The following TGFB3 variants were observed in gnomAD, a reference collection of about 807,000 sequenced individuals.
The protein encoded by TGFB3 is transforming growth factor beta-3 proprotein.
Under a neutral mutation model 40.1 loss-of-function variants are expected in TGFB3, and 5 were observed. The observed-to-expected ratio is 0.12, with a 90% CI of 0.07 to 0.26. The LOEUF is 0.26. Among genes scored for constraint, TGFB3 ranks in the 10% least tolerant of loss-of-function variants. The probability of loss-of-function intolerance (pLI) is 1.00; values close to 1 mark genes in which losing one functional copy is unlikely to be tolerated. For missense variants in TGFB3, 373 were observed against 530.1 expected (o/e 0.70, Z 2.91); for synonymous variants, 184 against 205.6 (o/e 0.89, Z 0.90).
At chr14:75,961,256 A>G (rs2035153649) in intron 5 of TGFB3, among the ~76,000 whole-genome samples, 180 bp from the exon 6 acceptor site, 1 of 152,240 alleles carries the variant, frequency 6.6e-6, no homozygotes, top group Non-Finnish European at 1.5e-5. Context: ...CATGTGTTAA[A>G]GACCAGGATC....
At position 75,980,830 on chromosome 14, in the gene TGFB3, G is replaced by A. The variant is rs1384673775; in HGVS notation, c.64C>T (p.Leu22Phe). The change falls in exon 1 of 7, where the codon CTC becomes TTC. Residue 22 changes from leucine to phenylalanine, a missense_variant. Leu to Phe is a conservative substitution (Grantham distance 22). Transcript: ENST00000238682. The surrounding 1 kb of genome is among the most constrained non-coding windows in gnomAD (Gnocchi z 4.3). ...LALLNFATVS[L>F]SLSTCTTLDF... ...AAGGTGGTGCAAGTGGACAGAGAGA[G>A]GCTGACCGTGGCAAAGTTCAGCAGG... 1.2e-6 allele frequency: 2 copies of A among 1,614,166 alleles called. No homozygotes were observed. The highest frequency in any genetic ancestry group is 4.5e-5 in the East Asian group (2 of 44,884).
At chr14:75,965,762 A>T in intron 3 of TGFB3, 67 bp from the exon 4 acceptor site, 6 of 1,321,118 alleles carry the variant, frequency 4.5e-6, no homozygotes, top group Non-Finnish European at 6.5e-6. Context: ...CCCACCACCC[A>T]TGCAAGGGTG....
chr14:75,971,770 C>G lies in TGFB3; in HGVS notation c.353-52G>C, dbSNP rs1398711168. The stretch of plus-strand genomic sequence containing the variant: ...ACAGCATGAGCGAGACATGCAGGAA[C>G]AGTGTGCTGCCAACGGACAGGCACC... On this transcript the variant is annotated intron_variant, in intron 1 of 6. Coordinates refer to ENST00000238682, the MANE Select transcript of TGFB3 (RefSeq NM_003239.5). The surrounding 1 kb of genome is among the most constrained non-coding windows in gnomAD (Gnocchi z 4.5). The G allele has an allele frequency of 1.2e-6, 2 of 1,602,044 alleles. No individual in the cohort carries two copies. The highest frequency in any genetic ancestry group is 8.5e-7 in the Non-Finnish European group (1 of 1,171,602).
In TGFB3 at chr14:75,963,455, C is replaced by G. The variant is rs796051886; in HGVS notation, c.787G>C (p.Asp263His). The G allele has an allele frequency of 6.2e-7, 1 of 1,614,182 alleles. No homozygotes were observed. The highest frequency in any genetic ancestry group is 8.5e-7 in the Non-Finnish European group (1 of 1,180,030). The change falls in exon 5 of 7, where the codon GAT becomes CAT. Residue 263 changes from aspartate (D) to histidine (H), a missense_variant. Physicochemically the swap from Asp to His is moderately conservative, Grantham distance 81 (BLOSUM62 -1). Coordinates refer to ENST00000238682, the MANE Select transcript of TGFB3 (RefSeq NM_003239.5). ...TTCTGCTTCTTGAGGCGCCCCAGATCTCCACGGCCATGGTCATCCTCATTG... is the reference window on the plus strand; with the variant it reads ...TTCTGCTTCTTGAGGCGCCCCAGATGTCCACGGCCATGGTCATCCTCATTG... ...VDNEDDHGRGDLGRLKKQKDH... is the reference protein window; with the variant it reads ...VDNEDDHGRGHLGRLKKQKDH...
intron 1 of TGFB3, among the ~76,000 whole-genome samples, chr14:75,972,386 A>G (rs540058558): frequency 6.6e-6 from 1 of 152,284 alleles, no homozygotes; most frequent in Admixed American, 6.5e-5. Context: ...AAGGGGGGGT[A>G]TTAATACATG....
At chr14:75,959,387 T>C in intron 6 of TGFB3, 42 bp from the exon 7 acceptor site, 1 of 1,612,354 alleles carries the variant, frequency 6.2e-7, no homozygotes. Flanking sequence ...AGGCCAAGTC[T>C]CAGGCCTGGA....
At chr14:75,973,875 C>T (rs1487642118) in intron 1 of TGFB3, among the ~76,000 whole-genome samples, 1 of 152,126 alleles carries the variant, frequency 6.6e-6, no homozygotes, top group Admixed American at 6.5e-5. Context: ...GGCACGGTGG[C>T]TCACGCCTGT....
chr14:75,980,652 T>C lies in TGFB3; in HGVS notation c.242A>G (p.Glu81Gly). The C allele has an allele frequency of 6.2e-7, 1 of 1,614,228 alleles. No homozygotes were observed. The highest frequency in any genetic ancestry group is 8.5e-7 in the Non-Finnish European group (1 of 1,180,048). ...TTCCTCCCTCTCCCCATGCATCTCC[T>C]CCAGCAGCTCCCGGGTGCTGTTGTA... is the stretch of plus-strand genomic sequence containing the variant. ...ALYNSTRELL[E>G]EMHGEREEGC... The change falls in exon 1 of 7, where the codon GAG becomes GGG. Residue 81 changes from glutamate to glycine, a missense_variant. Glu to Gly is a moderately conservative substitution (Grantham distance 98). Transcript: ENST00000238682. The surrounding 1 kb of genome is among the most constrained non-coding windows in gnomAD (Gnocchi z 4.3).
At chr14:75,960,202 A>C (rs1292898494) in intron 6 of TGFB3, 1 of 152,280 alleles carries the variant, frequency 6.6e-6, no homozygotes, top group African/African-American at 2.4e-5. Flanking sequence ...TTGGCCTCCC[A>C]GAGTGCTGGG....
intron 6 of TGFB3, among the ~76,000 whole-genome samples, 191 bp from the exon 7 acceptor site, chr14:75,959,536 A>G (rs1307514991): frequency 6.6e-6 from 1 of 152,164 alleles, no homozygotes; most frequent in Non-Finnish European, 1.5e-5. Flanking sequence ...TGGGAGGCAG[A>G]GGCAGGCAGA....
intron 4 of TGFB3, among the ~76,000 whole-genome samples, chr14:75,964,165 T>C (rs3917196): frequency 0.14 from 20,779 of 152,164 alleles, 2,275 homozygotes; most frequent in African/African-American, 0.3. Context: ...TGTGAGCCAC[T>C]GCACCCAGCC....
chr14:75,959,766 C>T (rs1243246266), intron 6 of TGFB3, among the ~76,000 whole-genome samples: 2 of 147,474 alleles, frequency 1.4e-5, no homozygotes, highest in Non-Finnish European at 3.0e-5. Flanking sequence ...GTGAGTCTGT[C>T]TCAAAAAAAA....
At chr14:75,969,234 T>C (rs1302270405) in intron 3 of TGFB3, among the ~76,000 whole-genome samples, 1 of 152,192 alleles carries the variant, frequency 6.6e-6, no homozygotes, top group Non-Finnish European at 1.5e-5. Context: ...AGGATCCACC[T>C]GCCTCAGGGA....
rs1016234043 is a variant in TGFB3 at position 75,971,816 on chromosome 14, G to A, written c.353-98C>T. 8 of 1,395,302 alleles carry A rather than the reference G, an allele frequency of 5.7e-6. No homozygotes were observed. Among genetic ancestry groups the A allele is most frequent in the Non-Finnish European group, 8.0e-6 (8 of 1,001,588 alleles). 86.4% of individuals were successfully genotyped at this position (1,395,302 alleles called of 1,614,324 possible). A position where few individuals can be genotyped will look rare whatever the true frequency, so the allele number is the denominator to read the frequency against. ...GCACCAAGTGGCCACCGTCCCGCCT[G>A]CCACCTCCCTAGAGGCTTGAGGCCT... On this transcript the variant is annotated intron_variant, in intron 1 of 6. Coordinates refer to ENST00000238682, the MANE Select transcript of TGFB3 (RefSeq NM_003239.5). The surrounding 1 kb of genome is among the most constrained non-coding windows in gnomAD (Gnocchi z 4.5).
Position 75,963,409 on chromosome 14 carries a change from A to G in TGFB3, c.833T>C (p.Leu278Pro). The G allele has an allele frequency of 6.2e-7, 1 of 1,614,198 alleles. No individual in the cohort carries two copies. Among genetic ancestry groups the G allele is most frequent in the Non-Finnish European group, 8.5e-7 (1 of 1,180,024 alleles). Residue 278 changes from leucine (L) to proline (P), a missense_variant, in exon 5 of 7, where the codon CTA (leucine) becomes CCA (proline). By Grantham distance (98) the Leu-to-Pro change is moderately conservative. Coordinates refer to ENST00000238682, the MANE Select transcript of TGFB3 (RefSeq NM_003239.5). ...GTGTGGGGGAATCATCATGAGGATT[A>G]GATGAGGGTTGTGGTGATCCTTCTG... ...KKQKDHHNPHLILMMIPPHRL... is the reference protein window; with the variant it reads ...KKQKDHHNPHPILMMIPPHRL...
chr14:75,970,570 AT>A, intron 3 of TGFB3: 1 of 115,720 alleles, frequency 8.6e-6, no homozygotes, highest in Admixed American at 8.0e-5. Context: ...AGAAATAATA[AT>A]AATAATAATA....
chr14:75,967,423 T>C (rs2035233122), intron 3 of TGFB3, among the ~76,000 whole-genome samples: 1 of 152,150 alleles, frequency 6.6e-6, no homozygotes, highest in Admixed American at 6.5e-5. Context: ...GCCCTCTCCC[T>C]GGGTTAAGGC....
chr14:75,973,355 G>A (rs1329259000), intron 1 of TGFB3, among the ~76,000 whole-genome samples: 1 of 152,218 alleles, frequency 6.6e-6, no homozygotes, highest in Non-Finnish European at 1.5e-5. Context: ...TGGGCCTGAC[G>A]CTGGTTCTTA....
At chr14:75,969,789 G>A (rs536984338) in intron 3 of TGFB3, among the ~76,000 whole-genome samples, 33 of 152,190 alleles carry the variant, frequency 2.2e-4, no homozygotes, top group African/African-American at 6.5e-4. Context: ...CCTGGATGTC[G>A]AAAAAATTTA....
Sources: gnomAD v4.1 joint callset for allele counts (sites outside exome capture counted in the v4.1 genomes callset) on GRCh38, gnomAD v4.1.1 for gene constraint, Gnocchi (gnomAD v3.1) non-coding constraint, MANE v1.5 for transcripts, NCBI Gene and HGNC (gene_info 2026-07-23, HGNC 2026-07-21) for gene names.